C19orf12: variants seen among roughly 807,000 people sequenced by gnomAD.
C19orf12 encodes the protein chromosome 19 open reading frame 12.
Under a neutral mutation model 3.8 loss-of-function variants are expected in C19orf12, and 2 were observed. That is an observed-to-expected ratio of 0.53 (90% CI 0.22 to 1.66). The LOEUF is 1.66. Ranked by LOEUF, C19orf12 falls within the 40% of genes most tolerant of loss-of-function variation. C19orf12 has a pLI of 0.20. For missense variants in C19orf12, 156 were observed against 188.8 expected (o/e 0.83, Z 1.02); for synonymous variants, 89 against 84.6 (o/e 1.05, Z -0.28).
At chr19:29,714,707 C>G (rs1377559972) in intron 1 of C19orf12, among the ~76,000 whole-genome samples, 2 of 129,094 alleles carry the variant, frequency 1.5e-5, no homozygotes, top group Admixed American at 1.6e-4. Context: ...CCACCAGCCA[C>G]CCCCACTCTA....
Position 29,700,086 on chromosome 19 carries a change from C to A in C19orf12, c.*2626G>T. On this transcript the variant is annotated 3_prime_UTR_variant, in exon 3 of 3. Transcript: ENST00000323670. Reference sequence around the variant, plus strand: ...TGATCAGGAGTTGGACCATCTCCTCCCTGGGCATTTTTCCCTGCAGTAGGG... The same window carrying A: ...TGATCAGGAGTTGGACCATCTCCTCACTGGGCATTTTTCCCTGCAGTAGGG... 1 of 454,066 alleles carries A rather than the reference C, an allele frequency of 2.2e-6. No homozygotes were observed. The highest frequency in any genetic ancestry group is 4.4e-6 in the Non-Finnish European group (1 of 226,792). The allele number at this position is 454,066 out of a possible 1,614,324, so 28.1% of individuals were successfully genotyped here.
intron 1 of C19orf12, among the ~76,000 whole-genome samples, chr19:29,713,237 G>A (rs953603681): frequency 6.7e-6 from 1 of 149,906 alleles, no homozygotes; most frequent in Non-Finnish European, 1.5e-5. Flanking sequence ...CAGACCTTAG[G>A]GGGTGGGAGT....
chr19:29,709,367 C>CA (rs1972549255), intron 1 of C19orf12, among the ~76,000 whole-genome samples: 1 of 152,158 alleles, frequency 6.6e-6, no homozygotes, highest in Non-Finnish European at 1.5e-5. Flanking sequence ...TCAAAGGGGC[C>CA]ACGAGGTGGG....
chr19:29,706,410 G>A lies in C19orf12; in HGVS notation c.160+1844C>T, dbSNP rs573358696. ...GTTTTCAGGGTAAAATGATGCTCCC[G>A]CCCATGACCAGGGACTGGAAGTAGT... On this transcript the variant is annotated intron_variant, in intron 2 of 2. Coordinates refer to ENST00000323670, the MANE Select transcript of C19orf12 (RefSeq NM_031448.6). Among the ~76,000 whole-genome samples, 7 of 152,232 alleles carry A rather than the reference G, an allele frequency of 4.6e-5. No individual in the cohort carries two copies. In the East Asian group the frequency reaches 9.6e-4, roughly 21 times the overall value.
chr19:29,707,138 C>T (rs1972418848), intron 2 of C19orf12, among the ~76,000 whole-genome samples: 1 of 152,212 alleles, frequency 6.6e-6, no homozygotes, highest in South Asian at 2.1e-4. Flanking sequence ...GGGTGGATCG[C>T]TTGTGGCCAG....
chr19:29,710,548 C>CT (rs1242259993), intron 1 of C19orf12, among the ~76,000 whole-genome samples: 1 of 152,224 alleles, frequency 6.6e-6, no homozygotes, highest in African/African-American at 2.4e-5. Flanking sequence ...ACGCAGGACT[C>CT]TGACATTCGT....
chr19:29,715,062 C>A lies in C19orf12; in HGVS notation c.-11+63G>T, dbSNP rs1292440207. The A allele has an allele frequency of 7.8e-6, 5 of 639,276 alleles. No individual in the cohort carries two copies. In the Admixed American group the frequency reaches 9.9e-5, roughly 13 times the overall value. The allele number at this position is 639,276 out of a possible 1,614,324, so 39.6% of individuals were successfully genotyped here. On this transcript the variant is annotated intron_variant, in intron 1 of 2. Coordinates refer to ENST00000323670, the MANE Select transcript of C19orf12 (RefSeq NM_031448.6). Reference sequence around the variant, plus strand: ...GGTCTCCAGGCCTGCTCTTGGGGTGCCCCCTCCTCTCGCGGGGCGCGGCCT... The same window carrying A: ...GGTCTCCAGGCCTGCTCTTGGGGTGACCCCTCCTCTCGCGGGGCGCGGCCT...
rs1481931083 is a variant in C19orf12 at position 29,699,612 on chromosome 19, T to C, written c.*3100A>G. On this transcript the variant is annotated 3_prime_UTR_variant, in exon 3 of 3. Coordinates refer to ENST00000323670, the MANE Select transcript of C19orf12 (RefSeq NM_031448.6). ...GTGAAATTTGTAGTTTTTATTTCAT[T>C]ATATTTTCTGGGTTTTTCTAGGTTT... 2.7e-6 allele frequency: 1 copy of C among 365,094 alleles called. No individual in the cohort carries two copies. Among genetic ancestry groups the C allele is most frequent in the Non-Finnish European group, 5.3e-6 (1 of 186,950 alleles). 22.6% of individuals were successfully genotyped at this position (365,094 alleles called of 1,614,324 possible).
intron 1 of C19orf12, among the ~76,000 whole-genome samples, chr19:29,713,158 C>T (rs1972771277): frequency 1.3e-5 from 2 of 152,174 alleles, no homozygotes; most frequent in South Asian, 4.1e-4. Context: ...CCACCCTGCT[C>T]CTTCTCCCAC....
intron 1 of C19orf12, among the ~76,000 whole-genome samples, chr19:29,712,172 G>A (rs1972713722): frequency 6.6e-6 from 1 of 152,128 alleles, no homozygotes; most frequent in African/African-American, 2.4e-5. Flanking sequence ...TTGGGAAGCC[G>A]AGGTGGGCAG....
intron 1 of C19orf12, among the ~76,000 whole-genome samples, chr19:29,710,076 C>T (rs1023735921): frequency 3.3e-5 from 5 of 152,108 alleles, no homozygotes; most frequent in Non-Finnish European, 7.4e-5. Flanking sequence ...CGCAATGTTG[C>T]CCAGCCTGGT....
At chr19:29,713,231 C>A (rs542321396) in intron 1 of C19orf12, among the ~76,000 whole-genome samples, 151 of 151,180 alleles carry the variant, frequency 1.0e-3, no homozygotes, top group African/African-American at 3.5e-3. Context: ...TGGGGACAGA[C>A]CTTAGGGGGT....
intron 2 of C19orf12, among the ~76,000 whole-genome samples, chr19:29,707,996 C>T (rs1251590877): frequency 6.6e-6 from 1 of 151,928 alleles, no homozygotes; most frequent in Non-Finnish European, 1.5e-5. Context: ...CTCAGCCTCC[C>T]GAGTAGCTGG....
intron 2 of C19orf12, 151 bp from the exon 3 acceptor site, chr19:29,703,128 C>T: frequency 9.8e-7 from 1 of 1,018,742 alleles, no homozygotes; most frequent in African/African-American, 1.6e-5. Flanking sequence ...CCTGCTCCGC[C>T]AGCCAGTGTG....
In C19orf12 at chr19:29,702,683, G is replaced by C. The variant is rs1972159718; in HGVS notation, c.*29C>G. 6.2e-7 allele frequency: 1 copy of C among 1,611,936 alleles called. No individual in the cohort carries two copies. The highest frequency in any genetic ancestry group is 1.1e-5 in the South Asian group (1 of 90,992). On this transcript the variant is annotated 3_prime_UTR_variant, in exon 3 of 3. Transcript: ENST00000323670. The stretch of plus-strand genomic sequence containing the variant: ...CTTCAGAATCACAGAGTCATTTAAA[G>C]GGGCCCCCCACCTCCCCGGAGGTGC...
At chr19:29,707,876 T>C (rs1972462299) in intron 2 of C19orf12, among the ~76,000 whole-genome samples, 1 of 151,676 alleles carries the variant, frequency 6.6e-6, no homozygotes, top group Admixed American at 6.6e-5. Flanking sequence ...TTTTCCTTTT[T>C]TTTTTTTTTC....
rs1326196718 is a variant in C19orf12 at position 29,698,986 on chromosome 19, C to A, written c.*3726G>T. 2 of 452,774 alleles carry A rather than the reference C, an allele frequency of 4.4e-6. No homozygotes were observed. Among genetic ancestry groups the A allele is most frequent in the Non-Finnish European group, 8.8e-6 (2 of 226,604 alleles). The allele number at this position is 452,774 out of a possible 1,614,324, so 28.0% of individuals were successfully genotyped here. A position where few individuals can be genotyped will look rare whatever the true frequency, so the allele number is the denominator to read the frequency against. ...TTAACACAGTATTACTGTAATACTT[C>A]AGCATTACAGTAGTAAAAATCCACA... On this transcript the variant is annotated 3_prime_UTR_variant, in exon 3 of 3. Coordinates refer to ENST00000323670, the MANE Select transcript of C19orf12 (RefSeq NM_031448.6).
At position 29,700,362 on chromosome 19, in the gene C19orf12, CT is replaced by C. The variant is rs1228649907; in HGVS notation, c.*2349del. On this transcript the variant is annotated 3_prime_UTR_variant, in exon 3 of 3. Coordinates refer to ENST00000323670, the MANE Select transcript of C19orf12 (RefSeq NM_031448.6). ...AACTTTGAAGCACTGAACCAAACAT[CT>C]TTGTTGAGGTTTCATTCTCACGATA... 2 of 453,956 alleles carry C rather than the reference CT, an allele frequency of 4.4e-6. No individual in the cohort carries two copies. The highest frequency in any genetic ancestry group is 4.7e-5 in the Admixed American group (2 of 42,540). The allele number at this position is 453,956 out of a possible 1,614,324, so 28.1% of individuals were successfully genotyped here.
chr19:29,701,351 G>A lies in C19orf12; in HGVS notation c.*1361C>T, dbSNP rs189239161. On this transcript the variant is annotated 3_prime_UTR_variant, in exon 3 of 3. Transcript: ENST00000323670. ...ATGGGCAATGGCATAGCGTTTGCACGTAACCTACGCACACCTTCCTGTATA... is the reference window on the plus strand; with the variant it reads ...ATGGGCAATGGCATAGCGTTTGCACATAACCTACGCACACCTTCCTGTATA... The A allele has an allele frequency of 1.2e-3, 532 of 454,044 alleles. 5 individuals are homozygous for A. The highest frequency in any genetic ancestry group is 9.0e-3 in the African/African-American group (450 of 50,090). 28.1% of individuals were successfully genotyped at this position (454,044 alleles called of 1,614,324 possible). A position where few individuals can be genotyped will look rare whatever the true frequency, so the allele number is the denominator to read the frequency against.
Sources: gnomAD v4.1 joint callset for allele counts (sites outside exome capture counted in the v4.1 genomes callset) on GRCh38, gnomAD v4.1.1 for gene constraint, MANE v1.5 for transcripts, NCBI Gene and HGNC (gene_info 2026-07-23, HGNC 2026-07-21) for gene names.